Variants in AGBL4 observed in about 807,000 individuals in gnomAD.
AGBL4 encodes the protein cytosolic carboxypeptidase 6.
In AGBL4, 58 loss-of-function variants were observed where a neutral mutation model predicts 66.4. The ratio of observed to expected loss-of-function variants is 0.87; its 90% CI spans 0.71 to 1.09. AGBL4 has a LOEUF of 1.09. Among genes scored for constraint, AGBL4 ranks in the 50% least tolerant of loss-of-function variants. AGBL4 has a pLI of 0.00. For synonymous variants in AGBL4, 234 were observed against 222.9 expected (o/e 1.05, Z -0.44); for missense variants, 579 against 631.0 (o/e 0.92, Z 0.88).
intron 3 of AGBL4, among the ~76,000 whole-genome samples, chr1:49,412,009 C>T (rs554659534): frequency 6.6e-6 from 1 of 152,042 alleles, no homozygotes. Flanking sequence ...CTAGACCAAT[C>T]AATTTCTCTA....
intron 1 of AGBL4, among the ~76,000 whole-genome samples, chr1:49,971,039 T>C (rs1165046039): frequency 6.6e-6 from 1 of 152,160 alleles, no homozygotes; most frequent in African/African-American, 2.4e-5. Flanking sequence ...ATTTACTACA[T>C]TAAAGTACTG....
At chr1:49,083,614 C>G (rs1644846386) in intron 4 of AGBL4, among the ~76,000 whole-genome samples, 1 of 152,190 alleles carries the variant, frequency 6.6e-6, no homozygotes, top group Non-Finnish European at 1.5e-5. Flanking sequence ...TTCTAGGTTC[C>G]CAGGCTTGTG....
chr1:49,981,780 C>T (rs1229088637), intron 1 of AGBL4, among the ~76,000 whole-genome samples: 1 of 152,180 alleles, frequency 6.6e-6, no homozygotes, highest in African/African-American at 2.4e-5. Flanking sequence ...AAACCAATTT[C>T]CTAATCTAGC....
chr1:49,267,323 A>G (rs1358928581), intron 3 of AGBL4, among the ~76,000 whole-genome samples: 3 of 152,202 alleles, frequency 2.0e-5, no homozygotes, highest in Non-Finnish European at 4.4e-5. Flanking sequence ...TGTAACTGCA[A>G]AGTAGGTACT....
chr1:48,837,692 A>ACG (rs1203856105), intron 6 of AGBL4, among the ~76,000 whole-genome samples: 1 of 131,166 alleles, frequency 7.6e-6, no homozygotes, highest in African/African-American at 3.0e-5. Context: ...ACACACGCAC[A>ACG]CACACGCACA....
At chr1:49,200,428 G>A (rs904231936) in intron 4 of AGBL4, among the ~76,000 whole-genome samples, 26 of 152,274 alleles carry the variant, frequency 1.7e-4, no homozygotes, top group African/African-American at 4.8e-4. Flanking sequence ...CCAGCTAGGT[G>A]TCCTCTAATT....
intron 4 of AGBL4, among the ~76,000 whole-genome samples, chr1:49,152,462 C>T (rs1367029269): frequency 6.6e-6 from 1 of 152,142 alleles, no homozygotes; most frequent in Non-Finnish European, 1.5e-5. Flanking sequence ...TAGTAATCTT[C>T]CAAGCCCTGG....
chr1:48,804,873 G>A (rs954843193), intron 6 of AGBL4, among the ~76,000 whole-genome samples: 1 of 152,198 alleles, frequency 6.6e-6, no homozygotes, highest in African/African-American at 2.4e-5. Context: ...TTACATTTCA[G>A]TTATTGTTTG....
At chr1:49,232,316 A>G (rs1035720318) in intron 4 of AGBL4, among the ~76,000 whole-genome samples, 2 of 152,174 alleles carry the variant, frequency 1.3e-5, no homozygotes, top group Non-Finnish European at 2.9e-5. Flanking sequence ...AGAGATTGCA[A>G]GATTATAAAC....
intron 5 of AGBL4, among the ~76,000 whole-genome samples, chr1:49,007,709 T>C (rs1480178781): frequency 1.3e-5 from 2 of 150,402 alleles, no homozygotes; most frequent in Non-Finnish European, 3.0e-5. Context: ...CAGAAGAGAG[T>C]GGGGGCCAAT....
intron 5 of AGBL4, among the ~76,000 whole-genome samples, chr1:49,006,691 G>T (rs1476572392): frequency 6.6e-6 from 1 of 150,874 alleles, no homozygotes; most frequent in African/African-American, 2.4e-5. Context: ...AGAACGGGCA[G>T]ACTGCCTCCT....
chr1:49,174,684 A>G (rs1052255414), intron 4 of AGBL4: 3 of 152,160 alleles, frequency 2.0e-5, no homozygotes, highest in Admixed American at 2.0e-4. Context: ...GCTTTCAGCT[A>G]CCTTTGACTG....
chr1:49,856,206 T>G (rs1171999718), intron 1 of AGBL4, among the ~76,000 whole-genome samples: 3 of 152,006 alleles, frequency 2.0e-5, no homozygotes, highest in African/African-American at 7.2e-5. Flanking sequence ...ATAGAAAACC[T>G]GAACAGATTA....
chr1:49,998,062 C>A (rs866665033), intron 1 of AGBL4, among the ~76,000 whole-genome samples: 1 of 151,674 alleles, frequency 6.6e-6, no homozygotes, highest in Non-Finnish European at 1.5e-5. Context: ...ACAATCCAAA[C>A]CAAACCCAGC....
chr1:49,074,630 A>C (rs1019131354), intron 4 of AGBL4, among the ~76,000 whole-genome samples: 1 of 152,308 alleles, frequency 6.6e-6, no homozygotes, highest in South Asian at 2.1e-4. Flanking sequence ...GCCCTCATTT[A>C]AAGAAAAAGT....
intron 3 of AGBL4, among the ~76,000 whole-genome samples, chr1:49,606,667 G>A (rs1487326410): frequency 6.6e-6 from 1 of 151,960 alleles, no homozygotes; most frequent in Non-Finnish European, 1.5e-5. Context: ...AAGCTTTATT[G>A]TTATTATTAT....
intron 3 of AGBL4, among the ~76,000 whole-genome samples, chr1:49,474,769 T>C (rs935534208): frequency 1.3e-5 from 2 of 152,082 alleles, no homozygotes; most frequent in African/African-American, 4.8e-5. Flanking sequence ...CTTCTCAGTC[T>C]GGCCTTGTTT....
intron 3 of AGBL4, among the ~76,000 whole-genome samples, chr1:49,651,379 T>A (rs1476034661): frequency 6.6e-6 from 1 of 152,090 alleles, no homozygotes; most frequent in Admixed American, 6.6e-5. Flanking sequence ...AAGGAGCTAG[T>A]GCCTACTCTT....
At chr1:49,764,231 G>T (rs1051126410) in intron 2 of AGBL4, among the ~76,000 whole-genome samples, 2 of 152,076 alleles carry the variant, frequency 1.3e-5, no homozygotes, top group African/African-American at 2.4e-5. Context: ...GCAAAATCCA[G>T]CATCGCCTGG....
Sources: gnomAD v4.1 joint callset for allele counts (sites outside exome capture counted in the v4.1 genomes callset) on GRCh38, gnomAD v4.1.1 for gene constraint, MANE v1.5 for transcripts, NCBI Gene and HGNC (gene_info 2026-07-23, HGNC 2026-07-21) for gene names.